Variants in NRG2 observed in about 807,000 individuals in gnomAD.
NRG2 encodes pro-neuregulin-2, membrane-bound isoform.
A neutral mutation model predicts 73.9 loss-of-function variants in NRG2; 27 were observed. The ratio of observed to expected loss-of-function variants is 0.37; its 90% CI spans 0.27 to 0.50. The LOEUF (loss-of-function observed/expected upper bound fraction) is 0.50, where lower values mean the gene tolerates loss of function less well. NRG2 is among the 20% of genes least tolerant of loss of function. The pLI is 0.96. For missense variants in NRG2, 1,126 were observed against 1,210.1 expected (o/e 0.93, Z 1.03); for synonymous variants, 532 against 541.0 (o/e 0.98, Z 0.23).
chr5:139,938,900 G>GA (rs1156621755), intron 1 of NRG2, among the ~76,000 whole-genome samples: 35 of 64,030 alleles, frequency 5.5e-4, no homozygotes, highest in Non-Finnish European at 8.0e-4. Context: ...AAGAAAGAAA[G>GA]AAAGAAAAGA....
intron 1 of NRG2, among the ~76,000 whole-genome samples, chr5:139,989,680 G>C (rs533454413): frequency 6.6e-6 from 1 of 151,904 alleles, no homozygotes; most frequent in East Asian, 1.9e-4. Flanking sequence ...TCAAACAGCT[G>C]TGTAATATTC....
intron 1 of NRG2, among the ~76,000 whole-genome samples, chr5:139,929,868 T>C (rs987713958): frequency 1.3e-5 from 2 of 152,192 alleles, no homozygotes; most frequent in African/African-American, 4.8e-5. Context: ...AGAAAGTGAC[T>C]GATATTTCAA....
chr5:140,010,841 A>C (rs750329395), intron 1 of NRG2, among the ~76,000 whole-genome samples: 1 of 152,228 alleles, frequency 6.6e-6, no homozygotes. Flanking sequence ...AGCATCGGAC[A>C]CATCCGTGCT....
intron 3 of NRG2, among the ~76,000 whole-genome samples, chr5:139,878,930 G>A (rs1199274342): frequency 6.6e-6 from 1 of 152,208 alleles, no homozygotes; most frequent in Non-Finnish European, 1.5e-5. Context: ...GGCACCCACT[G>A]TGAGCCAGGT....
intron 1 of NRG2, among the ~76,000 whole-genome samples, chr5:139,933,269 C>T (rs264352): frequency 0.014 from 2,088 of 150,736 alleles, 40 homozygotes; most frequent in African/African-American, 0.047. Flanking sequence ...AGTGAGACTC[C>T]GTCTCAAAAA....
intron 2 of NRG2, among the ~76,000 whole-genome samples, chr5:139,886,819 G>A (rs1415598840): frequency 6.6e-6 from 1 of 152,180 alleles, no homozygotes; most frequent in African/African-American, 2.4e-5. Flanking sequence ...CTTTTAGGGG[G>A]AAACCGTCTG....
In NRG2 at chr5:139,851,150, C is replaced by T. The variant is rs761742676; in HGVS notation, c.1772+454G>A. On this transcript the variant is annotated intron_variant, in intron 9 of 9. Coordinates refer to ENST00000361474, the MANE Select transcript of NRG2 (RefSeq NM_004883.3). The surrounding 1 kb of genome is among the most constrained non-coding windows in gnomAD (Gnocchi z 4.2). ...TACAGGCATGTGCCACCATGCCTGG[C>T]TAATTTTTGTATTTTTAGTAAAGAT... Among the ~76,000 whole-genome samples the T allele has an allele frequency of 6.6e-6, 1 of 152,056 alleles. No homozygotes were observed. The highest frequency in any genetic ancestry group is 1.5e-5 in the Non-Finnish European group (1 of 67,996).
intron 1 of NRG2, among the ~76,000 whole-genome samples, chr5:139,997,144 C>G (rs1758081855): frequency 6.6e-6 from 1 of 151,658 alleles, no homozygotes; most frequent in African/African-American, 2.4e-5. Flanking sequence ...TCCTGTGTCA[C>G]CACAAAATAA....
chr5:139,916,257 C>T (rs780164584), intron 1 of NRG2, among the ~76,000 whole-genome samples: 17 of 152,156 alleles, frequency 1.1e-4, no homozygotes, highest in Non-Finnish European at 2.2e-4. Context: ...TATTGTGAGG[C>T]AGACGGTATA....
intron 1 of NRG2, among the ~76,000 whole-genome samples, chr5:139,897,970 G>C (rs1324639320): frequency 6.6e-6 from 1 of 152,224 alleles, no homozygotes; most frequent in Non-Finnish European, 1.5e-5. Flanking sequence ...AAACAGGAGT[G>C]GCCAGCTAGG....
chr5:139,962,952 T>C (rs1403814543), intron 1 of NRG2, among the ~76,000 whole-genome samples: 1 of 152,196 alleles, frequency 6.6e-6, no homozygotes, highest in Non-Finnish European at 1.5e-5. Flanking sequence ...TATGGAGCCA[T>C]ATAAAAGCCC....
chr5:139,885,074 G>A (rs1763778045), intron 2 of NRG2, among the ~76,000 whole-genome samples: 1 of 152,186 alleles, frequency 6.6e-6, no homozygotes, highest in Admixed American at 6.5e-5. Context: ...AAATGTCTGT[G>A]AGGCATCTCA....
chr5:140,033,901 C>G (rs1761323654), intron 1 of NRG2, among the ~76,000 whole-genome samples: 7 of 151,884 alleles, frequency 4.6e-5, no homozygotes. Flanking sequence ...TTACAGGAAA[C>G]TAAGATGCAG....
At position 139,853,001 on chromosome 5, in the gene NRG2, T is replaced by C; in HGVS notation, c.1319A>G (p.His440Arg). The change falls in exon 7 of 10, where the codon CAC becomes CGC. Residue 440 changes from histidine (H) to arginine (R), a missense_variant. Physicochemically the swap from His to Arg is conservative, Grantham distance 29. Transcript: ENST00000361474. This position sits in a 1 kb window ranked among gnomAD's most constrained non-coding sequence, Gnocchi z 4.1. Reference sequence around the variant, plus strand: ...GGCCGGGCACATGTTCTGCCGGAGGTGGTTGTGCATCTGCTTCCGCTGTTT... The same window carrying C: ...GGCCGGGCACATGTTCTGCCGGAGGCGGTTGTGCATCTGCTTCCGCTGTTT... ...TKKQRKQMHN[H>R]LRQNMCPAHQ... is the part of the protein sequence containing the mutation. 1 of 1,613,030 alleles carries C rather than the reference T, an allele frequency of 6.2e-7. No individual in the cohort carries two copies. The highest frequency in any genetic ancestry group is 8.5e-7 in the Non-Finnish European group (1 of 1,179,650).
intron 1 of NRG2, among the ~76,000 whole-genome samples, chr5:139,929,487 A>G (rs1023292723): frequency 6.6e-6 from 1 of 152,228 alleles, no homozygotes; most frequent in Non-Finnish European, 1.5e-5. Flanking sequence ...AGGGCTTATC[A>G]GATGAATGAA....
Position 140,042,913 on chromosome 5 carries a change from T to C in NRG2, c.157A>G (p.Asn53Asp). ...GCAGCGGGACGAGAGATGCTGCTGT[T>C]GTTGCTGCTGCTCCTGCTGCTGCTG... is the stretch of plus-strand genomic sequence containing the variant. Reference protein sequence around the residue: ...SGSSSRSSSNNSSISRPAAPP... With the variant: ...SGSSSRSSSNDSSISRPAAPP... The change falls in exon 1 of 10, where the codon AAC (asparagine) becomes GAC (aspartate). Residue 53 changes from asparagine (N) to aspartate (D), a missense_variant. Around this residue, in one of 3 missense-constraint regions of NRG2, gnomAD observed 185 missense variants for 149.0 expected, o/e 1.24. Transcript: ENST00000361474. The C allele has an allele frequency of 6.5e-7, 1 of 1,539,200 alleles. No homozygotes were observed. Among genetic ancestry groups the C allele is most frequent in the South Asian group, 1.2e-5 (1 of 83,902 alleles).
At position 139,904,420 on chromosome 5, in the gene NRG2, G is replaced by T; in HGVS notation, c.701-16909C>A. Reference sequence around the variant, plus strand: ...CATTCTGCACGGGGTCCCAGGCGGTGGGACGGCCTCAGCTCTCCGCTGCCG... The same window carrying T: ...CATTCTGCACGGGGTCCCAGGCGGTTGGACGGCCTCAGCTCTCCGCTGCCG... On this transcript the variant is annotated intron_variant, in intron 1 of 9. Transcript: ENST00000361474. This position sits in a 1 kb window ranked among gnomAD's most constrained non-coding sequence, Gnocchi z 6.0. 1 of 1,432,018 alleles carries T rather than the reference G, an allele frequency of 7.0e-7. No homozygotes were observed. Among genetic ancestry groups the T allele is most frequent in the Non-Finnish European group, 9.6e-7 (1 of 1,040,626 alleles). The allele number at this position is 1,432,018 out of a possible 1,614,324, so 88.7% of individuals were successfully genotyped here. A position where few individuals can be genotyped will look rare whatever the true frequency, so the allele number is the denominator to read the frequency against.
chr5:139,856,981 C>T lies in NRG2; in HGVS notation c.1190-1203G>A, dbSNP rs950598885. On this transcript the variant is annotated intron_variant, in intron 5 of 9. Transcript: ENST00000361474. This position sits in a 1 kb window ranked among gnomAD's most constrained non-coding sequence, Gnocchi z 4.2. Reference sequence around the variant, plus strand: ...CTGGCTCCAGCTCTCACGCCCCCTTCACATGCCTCATCCAGTTCAGCCAGG... The same window carrying T: ...CTGGCTCCAGCTCTCACGCCCCCTTTACATGCCTCATCCAGTTCAGCCAGG... Among the ~76,000 whole-genome samples, 24 of 152,184 alleles carry T rather than the reference C, an allele frequency of 1.6e-4. No individual in the cohort carries two copies. Among genetic ancestry groups the T allele is most frequent in the Non-Finnish European group, 3.4e-4 (23 of 68,022 alleles).
At chr5:140,027,455 A>G (rs923053787) in intron 1 of NRG2, among the ~76,000 whole-genome samples, 3 of 152,222 alleles carry the variant, frequency 2.0e-5, no homozygotes, top group Non-Finnish European at 4.4e-5. Flanking sequence ...AGTAAACCCC[A>G]ATAGGATTCA....
Sources: gnomAD v4.1 joint callset for allele counts (sites outside exome capture counted in the v4.1 genomes callset) on GRCh38, gnomAD v4.1.1 for gene constraint, gnomAD v4.1.1 regional missense constraint, Gnocchi (gnomAD v3.1) non-coding constraint, MANE v1.5 for transcripts, NCBI Gene and HGNC (gene_info 2026-07-23, HGNC 2026-07-21) for gene names.